FBXL19: variants seen among roughly 807,000 people sequenced by gnomAD.
FBXL19 encodes F-box and leucine rich repeat protein 19.
In FBXL19, 16 loss-of-function variants were observed where a neutral mutation model predicts 71.2. That is an observed-to-expected ratio of 0.22 (90% CI 0.15 to 0.34). The LOEUF is 0.34. FBXL19 is among the 10% of genes least tolerant of loss of function. FBXL19 has a pLI of 1.00. For synonymous variants in FBXL19, 447 were observed against 409.4 expected (o/e 1.09, Z -1.11); for missense variants, 658 against 968.2 (o/e 0.68, Z 4.25).
chr16:30,924,544 C>G, intron 1 of FBXL19, 85 bp downstream of exon 1: 1 of 1,252,174 alleles, frequency 8.0e-7, no homozygotes. Flanking sequence ...CTCTACCTTC[C>G]CCGCCCCCAG....
At chr16:30,933,651 C>CTGTT (rs1301981607) in intron 7 of FBXL19, among the ~76,000 whole-genome samples, 4 of 149,616 alleles carry the variant, frequency 2.7e-5, no homozygotes. Context: ...CAGGGGCTCG[C>CTGTT]TGTTACCCAG....
intron 7 of FBXL19, among the ~76,000 whole-genome samples, chr16:30,938,505 A>G (rs2055762403): frequency 6.6e-6 from 1 of 152,290 alleles, no homozygotes; most frequent in African/African-American, 2.4e-5. Context: ...CTTTGTCTGA[A>G]AAAAATAATG....
Position 30,946,681 on chromosome 16 carries a change from G to A in FBXL19, c.1628-49G>A, listed in dbSNP as rs374948126. On this transcript the variant is annotated intron_variant, in intron 9 of 10. Transcript: ENST00000338343. This position sits in a 1 kb window ranked among gnomAD's most constrained non-coding sequence, Gnocchi z 6.7. ...GGGCAGATGGTCTGGATACCTGGGC[G>A]CAGGGATGGGAGTGGCCAGGAGTGC... 9 of 1,541,330 alleles carry A rather than the reference G, an allele frequency of 5.8e-6. No individual in the cohort carries two copies. Among genetic ancestry groups the A allele is most frequent in the East Asian group, 2.4e-5 (1 of 42,514 alleles).
chr16:30,941,188 A>G (rs1466222844), intron 7 of FBXL19, among the ~76,000 whole-genome samples: 1 of 152,020 alleles, frequency 6.6e-6, no homozygotes, highest in Non-Finnish European at 1.5e-5. Flanking sequence ...TTCATTACAA[A>G]TGGGCAGCTG....
rs138889120 is a variant in FBXL19, at chr16:30,932,918, G to A, written c.1301+2334G>A. Reference sequence around the variant, plus strand: ...TGCAGTGGCATGCTCTCGGCTCACTGCAACCTCCACCTTCCACGTTCAAGT... The same window carrying A: ...TGCAGTGGCATGCTCTCGGCTCACTACAACCTCCACCTTCCACGTTCAAGT... On this transcript the variant is annotated intron_variant, in intron 7 of 10. Transcript: ENST00000338343. Among the ~76,000 whole-genome samples, 646 of 139,226 alleles carry A rather than the reference G, an allele frequency of 4.6e-3. 9 individuals are homozygous for A. Among genetic ancestry groups the A allele is most frequent in the African/African-American group, 0.017 (626 of 36,446 alleles). The allele number at this position is 139,226 out of a possible 152,430, so 91.3% of individuals were successfully genotyped here.
chr16:30,938,429 C>T (rs146939150), intron 7 of FBXL19, among the ~76,000 whole-genome samples: 10 of 152,200 alleles, frequency 6.6e-5, no homozygotes, highest in African/African-American at 2.4e-4. Context: ...TCACTTGAGC[C>T]CAGGAGTTTG....
upstream of FBXL19, chr16:30,923,190 G>A (rs530315241): frequency 2.2e-4 from 99 of 456,670 alleles, no homozygotes; most frequent in African/African-American, 1.8e-3. Flanking sequence ...AGGAGGGCGT[G>A]TGAGTGCCTG....
Position 30,946,414 on chromosome 16 carries a change from A to G in FBXL19, c.1628-316A>G, listed in dbSNP as rs1433499252. 1.3e-5 allele frequency among the ~76,000 whole-genome samples: 2 copies of G among 152,202 alleles called. No individual in the cohort carries two copies. Among genetic ancestry groups the G allele is most frequent in the East Asian group, 3.9e-4 (2 of 5,182 alleles). On this transcript the variant is annotated intron_variant, in intron 9 of 10. Coordinates refer to ENST00000338343, the MANE Select transcript of FBXL19 (RefSeq NM_001382779.1). This position sits in a 1 kb window ranked among gnomAD's most constrained non-coding sequence, Gnocchi z 6.7. ...AGACAAGGTTTTGCCATGTTAGGCC[A>G]GGCTAGTCTCGAACTCCTGACCTCA...
chr16:30,940,427 A>G (rs1048754858), intron 7 of FBXL19, among the ~76,000 whole-genome samples: 5 of 151,940 alleles, frequency 3.3e-5, no homozygotes, highest in African/African-American at 9.7e-5. Context: ...CTCAAGAAAA[A>G]AAAAAAAAAG....
chr16:30,925,634 G>A lies in FBXL19; in HGVS notation c.-24-97G>A. On this transcript the variant is annotated intron_variant, in intron 1 of 10. Transcript: ENST00000338343. This position sits in a 1 kb window ranked among gnomAD's most constrained non-coding sequence, Gnocchi z 5.0. ...CCTCCTTGTCCCCCTGAGGAAGAGG[G>A]CAGGCTCTAGCTGCCTGTAGGTGGA... 1 of 1,292,366 alleles carries A rather than the reference G, an allele frequency of 7.7e-7. No homozygotes were observed. Among genetic ancestry groups the A allele is most frequent in the East Asian group, 3.2e-5 (1 of 31,278 alleles). The allele number at this position is 1,292,366 out of a possible 1,614,324, so 80.1% of individuals were successfully genotyped here.
In FBXL19 at chr16:30,927,770, G is replaced by A. The variant is rs1381298295; in HGVS notation, c.434G>A (p.Arg145His). The part of the protein sequence containing the change: ...SKDSGEGPGR[R>H]RADNGEEGAS... ...GATTCAGGTGAGGGGCCTGGCCGCCGTAGGGCCGACAACGGCGAGGAGGGC... is the reference window on the plus strand; with the variant it reads ...GATTCAGGTGAGGGGCCTGGCCGCCATAGGGCCGACAACGGCGAGGAGGGC... Residue 145 changes from arginine (R) to histidine (H), a missense_variant, in exon 5 of 11, where the codon CGT becomes CAT. By Grantham distance (29) the Arg-to-His change is conservative. Transcript: ENST00000338343. The A allele has an allele frequency of 6.4e-7, 1 of 1,557,372 alleles. No individual in the cohort carries two copies. Among genetic ancestry groups the A allele is most frequent in the Non-Finnish European group, 8.7e-7 (1 of 1,151,192 alleles).
chr16:30,930,248 G>A lies in FBXL19; in HGVS notation c.965G>A (p.Ser322Asn), dbSNP rs2055655032. 6 of 1,612,834 alleles carry A rather than the reference G, an allele frequency of 3.7e-6. No homozygotes were observed. Among genetic ancestry groups the A allele is most frequent in the South Asian group, 3.3e-5 (3 of 91,090 alleles). Residue 322 changes from serine (S) to asparagine (N), a missense_variant, in exon 7 of 11, where the codon AGT becomes AAT. Ser to Asn is a conservative substitution (Grantham distance 46, BLOSUM62 1). This residue lies in a region of FBXL19 where 447 missense variants were observed against 515.4 expected (regional missense o/e 0.87). Coordinates refer to ENST00000338343, the MANE Select transcript of FBXL19 (RefSeq NM_001382779.1). The surrounding 1 kb of genome is among the most constrained non-coding windows in gnomAD (Gnocchi z 8.5). ...SDSDSSGTSL[S>N]EDEAPGEARN... ...TCCGACTCTTCGGGCACATCGCTGA[G>A]TGAGGACGAAGCCCCCGGCGAGGCC...
chr16:30,946,071 G>T lies in FBXL19; in HGVS notation c.1628-659G>T, dbSNP rs537324144. 6.6e-6 allele frequency among the ~76,000 whole-genome samples: 1 copy of T among 152,166 alleles called. No individual in the cohort carries two copies. Among genetic ancestry groups the T allele is most frequent in the Non-Finnish European group, 1.5e-5 (1 of 68,038 alleles). ...CAGGATTCTGCAAGCTGTACAGGAA[G>T]TATCGTGCCTGCGTCTGCTCAGCTT... On this transcript the variant is annotated intron_variant, in intron 9 of 10. Coordinates refer to ENST00000338343, the MANE Select transcript of FBXL19 (RefSeq NM_001382779.1). This position sits in a 1 kb window ranked among gnomAD's most constrained non-coding sequence, Gnocchi z 6.7.
chr16:30,928,699 C>G, intron 6 of FBXL19, 71 bp downstream of exon 6: 1 of 1,247,586 alleles, frequency 8.0e-7, no homozygotes, highest in Non-Finnish European at 1.0e-6. Context: ...AGCCCAAGAC[C>G]TGTCCCTTCC....
rs2143314725 is a variant in FBXL19, at chr16:30,927,968, G to A, written c.627+5G>A. 4 of 1,496,648 alleles carry A rather than the reference G, an allele frequency of 2.7e-6. No homozygotes were observed. Among genetic ancestry groups the A allele is most frequent in the Non-Finnish European group, 3.5e-6 (4 of 1,128,604 alleles). 92.7% of individuals were successfully genotyped at this position (1,496,648 alleles called of 1,614,324 possible). On this transcript the variant is annotated splice_donor_5th_base_variant and intron_variant, in intron 5 of 10. Transcript: ENST00000338343. ...CCTCCCACCCCAAGGAAAAAGGTGAGCCACGGAGCACGCTCACTAGGCTTG... is the reference window on the plus strand; with the variant it reads ...CCTCCCACCCCAAGGAAAAAGGTGAACCACGGAGCACGCTCACTAGGCTTG...
Position 30,946,705 on chromosome 16 carries a change from G to A in FBXL19, c.1628-25G>A. On this transcript the variant is annotated intron_variant, in intron 9 of 10. Coordinates refer to ENST00000338343, the MANE Select transcript of FBXL19 (RefSeq NM_001382779.1). This position sits in a 1 kb window ranked among gnomAD's most constrained non-coding sequence, Gnocchi z 6.7. Reference sequence around the variant, plus strand: ...CGCAGGGATGGGAGTGGCCAGGAGTGCTGACCTCTCATCTGGCTGCCCAGG... The same window carrying A: ...CGCAGGGATGGGAGTGGCCAGGAGTACTGACCTCTCATCTGGCTGCCCAGG... 6.2e-7 allele frequency: 1 copy of A among 1,600,728 alleles called. No homozygotes were observed. Among genetic ancestry groups the A allele is most frequent in the Non-Finnish European group, 8.5e-7 (1 of 1,174,402 alleles).
In FBXL19 at chr16:30,927,784, G is replaced by T. The variant is rs1027602681; in HGVS notation, c.448G>T (p.Gly150Cys). Reference protein sequence around the residue: ...EGPGRRRADNGEEGASLGSGW... With the variant: ...EGPGRRRADNCEEGASLGSGW... ...GCCTGGCCGCCGTAGGGCCGACAAC[G>T]GCGAGGAGGGCGCCAGCTTGGGGAG... The change falls in exon 5 of 11, where the codon GGC (glycine) becomes TGC (cysteine). Residue 150 changes from glycine to cysteine, a missense_variant. Coordinates refer to ENST00000338343, the MANE Select transcript of FBXL19 (RefSeq NM_001382779.1). 1 of 1,555,162 alleles carries T rather than the reference G, an allele frequency of 6.4e-7. No individual in the cohort carries two copies. Among genetic ancestry groups the T allele is most frequent in the East Asian group, 2.4e-5 (1 of 41,316 alleles).
chr16:30,945,151 G>A (rs921077315), intron 9 of FBXL19, among the ~76,000 whole-genome samples: 30 of 152,182 alleles, frequency 2.0e-4, no homozygotes, highest in African/African-American at 7.2e-4. Flanking sequence ...CTCATGGTTT[G>A]TGCCATCTGA....
chr16:30,939,054 C>G (rs946212940), intron 7 of FBXL19, among the ~76,000 whole-genome samples: 1 of 151,910 alleles, frequency 6.6e-6, no homozygotes. Context: ...TAACTCTGGT[C>G]TTTTTTGTGT....
Sources: allele counts gnomAD v4.1 joint callset (sites outside exome capture counted in the v4.1 genomes callset), GRCh38; gene constraint gnomAD v4.1.1; regional missense constraint gnomAD v4.1.1; non-coding constraint Gnocchi (gnomAD v3.1); transcripts MANE v1.5; gene names NCBI Gene and HGNC (gene_info 2026-07-23, HGNC 2026-07-21).